PATE4: variants seen among roughly 807,000 people sequenced by gnomAD.
PATE4 encodes the protein prostate and testis expressed 4.
Under a neutral mutation model 8.5 loss-of-function variants are expected in PATE4, and 13 were observed. The ratio of observed to expected loss-of-function variants is 1.53; its 90% CI spans 1.00 to 2.43. PATE4 has a LOEUF of 2.43. PATE4 is among the 30% of genes most tolerant of loss of function. The pLI is 0.00. For synonymous variants in PATE4, 47 were observed against 39.3 expected (o/e 1.20, Z -0.73); for missense variants, 127 against 115.5 (o/e 1.10, Z -0.46).
chr11:125,838,510 C>T lies in PATE4; in HGVS notation c.*83C>T, dbSNP rs1380036802. On this transcript the variant is annotated 3_prime_UTR_variant, in exon 3 of 3. Coordinates refer to ENST00000457514, the MANE Select transcript of PATE4 (RefSeq NM_001144874.1). Reference sequence around the variant, plus strand: ...AACATGAACTGTTTTATTTCCCACACCAAATTCCACACTGGCCTAAGATCC... The same window carrying T: ...AACATGAACTGTTTTATTTCCCACATCAAATTCCACACTGGCCTAAGATCC... 4 of 1,430,476 alleles carry T rather than the reference C, an allele frequency of 2.8e-6. No homozygotes were observed. The highest frequency in any genetic ancestry group is 3.7e-6 in the Non-Finnish European group (4 of 1,085,746). 88.6% of individuals were successfully genotyped at this position (1,430,476 alleles called of 1,614,324 possible).
chr11:125,833,960 A>G (rs1351692159), intron 1 of PATE4, among the ~76,000 whole-genome samples: 1 of 152,156 alleles, frequency 6.6e-6, no homozygotes, highest in Non-Finnish European at 1.5e-5. Flanking sequence ...CTACACTTGG[A>G]AGTCACCCTT....
chr11:125,837,851 T>A lies in PATE4; in HGVS notation c.59-17T>A. 1 of 1,529,418 alleles carries A rather than the reference T, an allele frequency of 6.5e-7. No homozygotes were observed. The highest frequency in any genetic ancestry group is 1.2e-5 in the South Asian group (1 of 83,332). The allele number at this position is 1,529,418 out of a possible 1,614,324, so 94.7% of individuals were successfully genotyped here. Reference sequence around the variant, plus strand: ...CCCACAATCCAGCCTGAATATTCTATTCTCTCCACCCTGCAGTTATGGGTC... The same window carrying A: ...CCCACAATCCAGCCTGAATATTCTAATCTCTCCACCCTGCAGTTATGGGTC... On this transcript the variant is annotated splice_polypyrimidine_tract_variant and intron_variant, in intron 1 of 2. Transcript: ENST00000457514.
Position 125,837,855 on chromosome 11 carries a change from C to T in PATE4, c.59-13C>T. 2 of 1,533,970 alleles carry T rather than the reference C, an allele frequency of 1.3e-6. No individual in the cohort carries two copies. The highest frequency in any genetic ancestry group is 1.8e-6 in the Non-Finnish European group (2 of 1,131,508). ...CAATCCAGCCTGAATATTCTATTCTCTCCACCCTGCAGTTATGGGTCTGAA... is the reference window on the plus strand; with the variant it reads ...CAATCCAGCCTGAATATTCTATTCTTTCCACCCTGCAGTTATGGGTCTGAA... On this transcript the variant is annotated splice_polypyrimidine_tract_variant and intron_variant, in intron 1 of 2. Transcript: ENST00000457514.
intron 1 of PATE4, among the ~76,000 whole-genome samples, chr11:125,836,902 C>T (rs1173485656): frequency 6.6e-6 from 1 of 152,162 alleles, no homozygotes; most frequent in African/African-American, 2.4e-5. Flanking sequence ...TTCAATTCAA[C>T]ATTGCTGAGT....
chr11:125,835,625 C>T (rs1296670450), intron 1 of PATE4: 2 of 152,140 alleles, frequency 1.3e-5, no homozygotes, highest in African/African-American at 4.8e-5. Context: ...CTGAAGAACC[C>T]GCAAATGTTC....
At position 125,837,871 on chromosome 11, in the gene PATE4, T is replaced by G. The variant is rs770902007; in HGVS notation, c.62T>G (p.Met21Arg). Reference protein sequence around the residue: ...SLSFLYLKEVMGLKCNTCIYT... With the variant: ...SLSFLYLKEVRGLKCNTCIYT... The stretch of plus-strand genomic sequence containing the variant: ...TTCTATTCTCTCCACCCTGCAGTTA[T>G]GGGTCTGAAGTGTAATACCTGCATA... Residue 21 changes from methionine (M) to arginine (R), a missense_variant, in exon 2 of 3, where the codon ATG becomes AGG. Met to Arg is a moderately conservative substitution (Grantham distance 91). Transcript: ENST00000457514. 1 of 1,549,258 alleles carries G rather than the reference T, an allele frequency of 6.5e-7. No homozygotes were observed. Among genetic ancestry groups the G allele is most frequent in the East Asian group, 2.4e-5 (1 of 40,870 alleles).
chr11:125,838,027 C>A, intron 2 of PATE4, 43 bp downstream of exon 2: 1 of 1,403,360 alleles, frequency 7.1e-7, no homozygotes, highest in South Asian at 1.2e-5. Flanking sequence ...CTGCAAAGAA[C>A]CATCACTCTT....
rs1456949509 is a variant in PATE4 at position 125,838,356 on chromosome 11, G to T, written c.226G>T (p.Glu76Ter). Residue 76 changes from glutamate (E) to a stop codon, truncating the protein, a stop_gained, in exon 3 of 3, where the codon GAG becomes TAG. Coordinates refer to ENST00000457514, the MANE Select transcript of PATE4 (RefSeq NM_001144874.1). LOFTEE classifies it low-confidence loss of function (END_TRUNC). Reference sequence around the variant, plus strand: ...TATGTGTAAGTATAAGTGCCGGGAAGAGGAGTCCTCCAAAAGAGGCCTGTT... The same window carrying T: ...TATGTGTAAGTATAAGTGCCGGGAATAGGAGTCCTCCAAAAGAGGCCTGTT... ...THMCKYKCRE[E>*]ESSKRGLLRV... 9 of 1,551,468 alleles carry T rather than the reference G, an allele frequency of 5.8e-6. No individual in the cohort carries two copies. The East Asian group carries it at 2.2e-4, about 38-fold the overall frequency.
rs1565435232 is a variant in PATE4, at chr11:125,837,917, T to C, written c.108T>C (p.Cys36=). Residue 36 remains cysteine, a synonymous_variant, in exon 2 of 3, where the codon TGT becomes TGC. Transcript: ENST00000457514. The stretch of plus-strand genomic sequence containing the variant: ...GCATATACACAGAAGGATGGAAGTG[T>C]ATGGCAGGCCGAGGCACTTGCATTG... ...NTCIYTEGWK[C]MAGRGTCIAK... is the part of the protein sequence containing the mutation. The C allele has an allele frequency of 1.3e-6, 2 of 1,551,592 alleles. No homozygotes were observed. Among genetic ancestry groups the C allele is most frequent in the South Asian group, 2.4e-5 (2 of 84,060 alleles).
chr11:125,833,685 T>G (rs1943902352), intron 1 of PATE4, among the ~76,000 whole-genome samples: 1 of 152,220 alleles, frequency 6.6e-6, no homozygotes, highest in Admixed American at 6.5e-5. Context: ...TTTCTTAATA[T>G]ACTTTTCTCC....
chr11:125,838,478 A>T lies in PATE4; in HGVS notation c.*51A>T. 6.7e-7 allele frequency: 1 copy of T among 1,503,240 alleles called. No homozygotes were observed. The highest frequency in any genetic ancestry group is 1.3e-5 in the South Asian group (1 of 75,998). The allele number at this position is 1,503,240 out of a possible 1,614,324, so 93.1% of individuals were successfully genotyped here. On this transcript the variant is annotated 3_prime_UTR_variant, in exon 3 of 3. Transcript: ENST00000457514. ...CATCTGATCAAGATCCAGAATCAAG[A>T]CCAACCAACATGAACTGTTTTATTT... is the stretch of plus-strand genomic sequence containing the variant.
chr11:125,836,976 G>A lies in PATE4; in HGVS notation c.59-892G>A, dbSNP rs746516561. ...CAATTGGATTTATCATTAAGAGGTCGTTAGCAACAAGATAGTCTTGATGGA... is the reference window on the plus strand; with the variant it reads ...CAATTGGATTTATCATTAAGAGGTCATTAGCAACAAGATAGTCTTGATGGA... On this transcript the variant is annotated intron_variant, in intron 1 of 2. Coordinates refer to ENST00000457514, the MANE Select transcript of PATE4 (RefSeq NM_001144874.1). 3.5e-4 allele frequency among the ~76,000 whole-genome samples: 53 copies of A among 152,144 alleles called. 1 individual carries two copies. The highest frequency in any genetic ancestry group is 5.3e-4 in the Non-Finnish European group (36 of 68,026).
chr11:125,838,484 C>T lies in PATE4; in HGVS notation c.*57C>T. ...ATCAAGATCCAGAATCAAGACCAAC[C>T]AACATGAACTGTTTTATTTCCCACA... On this transcript the variant is annotated 3_prime_UTR_variant, in exon 3 of 3. Coordinates refer to ENST00000457514, the MANE Select transcript of PATE4 (RefSeq NM_001144874.1). The T allele has an allele frequency of 6.7e-7, 1 of 1,491,764 alleles. No individual in the cohort carries two copies. The highest frequency in any genetic ancestry group is 8.9e-7 in the Non-Finnish European group (1 of 1,122,692). The allele number at this position is 1,491,764 out of a possible 1,614,324, so 92.4% of individuals were successfully genotyped here. A position where few individuals can be genotyped will look rare whatever the true frequency, so the allele number is the denominator to read the frequency against.
intron 1 of PATE4, 147 bp downstream of exon 1, chr11:125,833,564 A>C (rs1268970858): frequency 2.9e-6 from 2 of 687,482 alleles, no homozygotes; most frequent in African/African-American, 3.6e-5. Flanking sequence ...GATCATATAT[A>C]ACACACTAAT....
At chr11:125,834,994 T>C (rs1160999480) in intron 1 of PATE4, 1 of 152,212 alleles carries the variant, frequency 6.6e-6, no homozygotes, top group Non-Finnish European at 1.5e-5. Flanking sequence ...GTTTCCTTTA[T>C]TTGGCAGATG....
chr11:125,833,710 C>T (rs1028990454), intron 1 of PATE4, among the ~76,000 whole-genome samples: 20 of 152,146 alleles, frequency 1.3e-4, no homozygotes, highest in African/African-American at 4.3e-4. Context: ...TTATCTCCTA[C>T]ACTCTCCTAG....
chr11:125,835,648 G>A (rs1166985928), intron 1 of PATE4: 3 of 152,108 alleles, frequency 2.0e-5, no homozygotes, highest in Non-Finnish European at 4.4e-5. Flanking sequence ...CTGACTCAAG[G>A]AACTCAAGAA....
chr11:125,837,867 G>T lies in PATE4; in HGVS notation c.59-1G>T. On this transcript the variant is annotated splice_acceptor_variant, in intron 1 of 2. Coordinates refer to ENST00000457514, the MANE Select transcript of PATE4 (RefSeq NM_001144874.1). LOFTEE classifies it high-confidence loss of function. ...AATATTCTATTCTCTCCACCCTGCA[G>T]TTATGGGTCTGAAGTGTAATACCTG... is the stretch of plus-strand genomic sequence containing the variant. 1 of 1,548,520 alleles carries T rather than the reference G, an allele frequency of 6.5e-7. No homozygotes were observed.
At position 125,839,318 on chromosome 11, in the gene PATE4, G is replaced by T. The variant is rs918143474; in HGVS notation, c.*891G>T. On this transcript the variant is annotated 3_prime_UTR_variant, in exon 3 of 3. Transcript: ENST00000457514. ...CTTACAGTGACCTGCAGGAAGAGAG[G>T]AATAACAGAGCACATGCTATGAATA... 1.1e-4 allele frequency: 16 copies of T among 152,170 alleles called. No homozygotes were observed. The highest frequency in any genetic ancestry group is 1.9e-4 in the Non-Finnish European group (13 of 68,046). The allele number at this position is 152,170 out of a possible 1,614,324, so 9.4% of individuals were successfully genotyped here.
Sources: allele counts gnomAD v4.1 joint callset (sites outside exome capture counted in the v4.1 genomes callset), GRCh38; gene constraint gnomAD v4.1.1; transcripts MANE v1.5; gene names NCBI Gene and HGNC (gene_info 2026-07-23, HGNC 2026-07-21).